Variants in CNTNAP5 observed in about 807,000 individuals in gnomAD.
CNTNAP5 encodes contactin-associated protein-like 5.
A neutral mutation model predicts 150.2 loss-of-function variants in CNTNAP5; 72 were observed. The observed-to-expected ratio is 0.48, with a 90% confidence interval of 0.40 to 0.58. The LOEUF is 0.58. CNTNAP5 is among the 20% of genes least tolerant of loss of function. The probability of loss-of-function intolerance (pLI) is 0.00; values close to 1 mark genes in which losing one functional copy is unlikely to be tolerated. For synonymous variants in CNTNAP5, 672 were observed against 619.8 expected (o/e 1.08, Z -1.25); for missense variants, 1,636 against 1,626.2 (o/e 1.01, Z -0.10).
intron 13 of CNTNAP5, among the ~76,000 whole-genome samples, chr2:124,668,994 A>G (rs72976422): frequency 0.039 from 5,942 of 152,194 alleles, 388 homozygotes; most frequent in African/African-American, 0.14. Flanking sequence ...CTGCAGTCCT[A>G]TTGGTAACAT....
intron 10 of CNTNAP5, among the ~76,000 whole-genome samples, chr2:124,555,821 G>T (rs1049163473): frequency 7.2e-5 from 11 of 152,212 alleles, no homozygotes; most frequent in Non-Finnish European, 1.3e-4. Flanking sequence ...TCACAAACTA[G>T]AAGCGAAGAG....
At chr2:124,065,688 C>G (rs1405086092) in intron 1 of CNTNAP5, among the ~76,000 whole-genome samples, 6 of 152,042 alleles carry the variant, frequency 3.9e-5, no homozygotes, top group Admixed American at 3.9e-4. Context: ...AATTTAGAAC[C>G]CTGGAAGAAT....
intron 13 of CNTNAP5, among the ~76,000 whole-genome samples, chr2:124,671,404 C>T (rs1390000910): frequency 6.6e-6 from 1 of 152,138 alleles, no homozygotes; most frequent in Non-Finnish European, 1.5e-5. Context: ...TCTTTCTGAA[C>T]CACAGTTTTC....
chr2:124,811,960 A>T (rs1475430442), intron 19 of CNTNAP5, among the ~76,000 whole-genome samples: 8 of 110,794 alleles, frequency 7.2e-5, no homozygotes, highest in African/African-American at 2.6e-4. Context: ...ATATATATAT[A>T]TATTTTTTAT....
chr2:124,830,281 G>C (rs1682685712), intron 19 of CNTNAP5, among the ~76,000 whole-genome samples: 1 of 151,914 alleles, frequency 6.6e-6, no homozygotes, highest in Non-Finnish European at 1.5e-5. Context: ...CATTTCACTA[G>C]AGTCATAACA....
chr2:124,914,117 C>T lies in CNTNAP5; in HGVS notation c.3753C>T (p.Ile1251=). 6.2e-7 allele frequency: 1 copy of T among 1,612,094 alleles called. No homozygotes were observed. Among genetic ancestry groups the T allele is most frequent in the South Asian group, 1.1e-5 (1 of 90,988 alleles). ...IGGVIAVVIF[I]IFCIIGIMTR... ...GGGTGATAGCAGTGGTGATATTCAT[C>T]ATCTTCTGTATCATCGGCATCATGA... The change falls in exon 24 of 24, where the codon ATC becomes ATT. Residue 1251 remains isoleucine, a synonymous_variant. Transcript: ENST00000682447.
chr2:124,627,399 T>C (rs933531474), intron 12 of CNTNAP5, among the ~76,000 whole-genome samples: 3 of 152,076 alleles, frequency 2.0e-5, no homozygotes, highest in African/African-American at 4.8e-5. Context: ...CCTTTGCTGT[T>C]CTGCAGCTTG....
At chr2:124,101,885 A>T (rs189824199) in intron 1 of CNTNAP5, among the ~76,000 whole-genome samples, 2 of 152,166 alleles carry the variant, frequency 1.3e-5, no homozygotes, top group Non-Finnish European at 2.9e-5. Flanking sequence ...TTTATCAGAC[A>T]TTCACTCTTC....
In CNTNAP5 at chr2:124,504,373, C is replaced by T; in HGVS notation, c.1144C>T (p.Pro382Ser). 2 of 1,613,942 alleles carry T rather than the reference C, an allele frequency of 1.2e-6. No individual in the cohort carries two copies. Among genetic ancestry groups the T allele is most frequent in the South Asian group, 1.1e-5 (1 of 91,082 alleles). The change falls in exon 8 of 24, where the codon CCC (proline) becomes TCC (serine). Residue 382 changes from proline to serine, a missense_variant. Transcript: ENST00000682447. ...CTCCAGCGGCAGCTATTTGCTGCTG[C>T]CCGGCACCCCCCAAATTGATGGGCT... is the stretch of plus-strand genomic sequence containing the variant. ...VNSSGSYLLL[P>S]GTPQIDGLSV...
At position 124,801,321 on chromosome 2, in the gene CNTNAP5, G is replaced by A. The variant is rs1255673021; in HGVS notation, c.3217+3001G>A. Among the ~76,000 whole-genome samples the A allele has an allele frequency of 2.6e-5, 4 of 152,214 alleles. No individual in the cohort carries two copies. In the East Asian group the frequency reaches 5.8e-4, roughly 22 times the overall value. On this transcript the variant is annotated intron_variant, in intron 19 of 23. Transcript: ENST00000682447. ...AAAATCTGCCTTCAACTTTTTGAAAGGCAATCTAGATAGAGGAAGCAGTCA... is the reference window on the plus strand; with the variant it reads ...AAAATCTGCCTTCAACTTTTTGAAAAGCAATCTAGATAGAGGAAGCAGTCA...
chr2:124,768,938 C>A (rs187879984), intron 16 of CNTNAP5, among the ~76,000 whole-genome samples: 168 of 152,252 alleles, frequency 1.1e-3, no homozygotes, highest in African/African-American at 3.9e-3. Context: ...AAAGTTTTAA[C>A]AGTATTTTAT....
chr2:124,662,434 A>T (rs187860176), intron 13 of CNTNAP5, among the ~76,000 whole-genome samples: 49 of 152,324 alleles, frequency 3.2e-4, no homozygotes, highest in Middle Eastern at 6.8e-3. Flanking sequence ...ACCCTTGTAC[A>T]TGAGATCTGT....
intron 7 of CNTNAP5, among the ~76,000 whole-genome samples, chr2:124,497,848 C>G (rs1479710477): frequency 6.6e-6 from 1 of 152,132 alleles, no homozygotes; most frequent in African/African-American, 2.4e-5. Flanking sequence ...ATCCTTGTGT[C>G]TATCAGCAGA....
intron 1 of CNTNAP5, among the ~76,000 whole-genome samples, chr2:124,082,193 C>CA (rs1425724305): frequency 1.3e-5 from 2 of 151,696 alleles, no homozygotes; most frequent in African/African-American, 4.8e-5. Context: ...ACTAAAAATA[C>CA]AAAAAATTAG....
At chr2:124,567,844 G>T (rs945513875) in intron 11 of CNTNAP5, among the ~76,000 whole-genome samples, 6 of 106,478 alleles carry the variant, frequency 5.6e-5, no homozygotes, top group Admixed American at 1.1e-4. Flanking sequence ...ATGATAGATA[G>T]ATAGATAGAT....
At chr2:124,126,428 C>A (rs1277432636) in intron 1 of CNTNAP5, among the ~76,000 whole-genome samples, 1 of 6,548 alleles carries the variant, frequency 1.5e-4, no homozygotes, top group East Asian at 0.05. Context: ...AGCTTACCAA[C>A]CAAAAAAAAG....
intron 1 of CNTNAP5, among the ~76,000 whole-genome samples, chr2:124,154,022 G>A (rs79867685): frequency 0.052 from 7,879 of 151,992 alleles, 373 homozygotes; most frequent in East Asian, 0.21. Context: ...CCATCCCAGC[G>A]GAGATTGGCT....
intron 16 of CNTNAP5, among the ~76,000 whole-genome samples, chr2:124,771,848 C>T (rs913669980): frequency 6.6e-6 from 1 of 151,890 alleles, no homozygotes; most frequent in African/African-American, 2.4e-5. Context: ...ATCAACACCA[C>T]CACTGCCAGT....
chr2:124,585,028 A>G (rs1696496425), intron 11 of CNTNAP5, among the ~76,000 whole-genome samples: 1 of 152,216 alleles, frequency 6.6e-6, no homozygotes, highest in Non-Finnish European at 1.5e-5. Flanking sequence ...CTCTTTCCCC[A>G]GAAGGCTTCA....
Sources: allele counts gnomAD v4.1 joint callset (sites outside exome capture counted in the v4.1 genomes callset), GRCh38; gene constraint gnomAD v4.1.1; transcripts MANE v1.5; gene names NCBI Gene and HGNC (gene_info 2026-07-23, HGNC 2026-07-21).